SPOCK1: variants seen among roughly 807,000 people sequenced by gnomAD.
SPOCK1 encodes the protein SPARC (osteonectin), cwcv and kazal like domains proteoglycan 1, also known as testican-1.
In SPOCK1, 23 loss-of-function variants were observed where a neutral mutation model predicts 55.3. That is an observed-to-expected ratio of 0.42 (90% CI 0.30 to 0.59). SPOCK1 has a LOEUF of 0.59. SPOCK1 is among the 20% of genes least tolerant of loss of function. SPOCK1 has a pLI of 0.22. For synonymous variants in SPOCK1, 226 were observed against 221.0 expected (o/e 1.02, Z -0.20); for missense variants, 499 against 552.5 (o/e 0.90, Z 0.97).
intron 3 of SPOCK1, among the ~76,000 whole-genome samples, chr5:137,160,624 T>TTATATAATATATATTA (rs1554100853): frequency 1.4e-5 from 1 of 69,340 alleles, no homozygotes; most frequent in Non-Finnish European, 2.5e-5. Flanking sequence ...AATATATATT[T>TTATATAATATATATTA]TATATAATAT....
chr5:137,171,949 TCTTA>T (rs1242686339), intron 3 of SPOCK1, among the ~76,000 whole-genome samples: 2 of 152,192 alleles, frequency 1.3e-5, no homozygotes, highest in Non-Finnish European at 2.9e-5. Context: ...GTCCTGTTCA[TCTTA>T]CATACGAAAC....
At chr5:137,464,349 C>T (rs1386549226) in intron 2 of SPOCK1, among the ~76,000 whole-genome samples, 2 of 152,164 alleles carry the variant, frequency 1.3e-5, no homozygotes, top group South Asian at 4.1e-4. Context: ...GATGGATACT[C>T]AATTTTTTGT....
chr5:137,353,382 A>G (rs1750723668), intron 2 of SPOCK1, among the ~76,000 whole-genome samples: 1 of 152,132 alleles, frequency 6.6e-6, no homozygotes, highest in Admixed American at 6.5e-5. Context: ...CCCTGATTCA[A>G]TCAATCAATC....
At chr5:137,465,026 G>C (rs1355123616) in intron 2 of SPOCK1, among the ~76,000 whole-genome samples, 2 of 152,128 alleles carry the variant, frequency 1.3e-5, no homozygotes, top group Admixed American at 6.5e-5. Flanking sequence ...AGAAAACCTT[G>C]AGAGAACAAC....
At chr5:137,120,342 G>A (rs1376026203) in intron 4 of SPOCK1, among the ~76,000 whole-genome samples, 1 of 152,176 alleles carries the variant, frequency 6.6e-6, no homozygotes, top group Non-Finnish European at 1.5e-5. Flanking sequence ...AAGTCTTAGA[G>A]CATAATCAGG....
chr5:137,365,223 G>A (rs1721392408), intron 2 of SPOCK1: 1 of 152,260 alleles, frequency 6.6e-6, no homozygotes. Context: ...GCAGTGCTGT[G>A]GCCAGTAAAC....
intron 3 of SPOCK1, among the ~76,000 whole-genome samples, chr5:137,207,133 C>T (rs1464866275): frequency 6.6e-6 from 1 of 152,254 alleles, no homozygotes; most frequent in Non-Finnish European, 1.5e-5. Flanking sequence ...AGAATGTCCT[C>T]TTGCCCAGGT....
At chr5:137,176,052 C>G (rs1307360430) in intron 3 of SPOCK1, among the ~76,000 whole-genome samples, 5 of 152,108 alleles carry the variant, frequency 3.3e-5, no homozygotes, top group Non-Finnish European at 7.4e-5. Flanking sequence ...GATATCAAAC[C>G]CAGAGGAATG....
intron 3 of SPOCK1, among the ~76,000 whole-genome samples, chr5:137,176,560 A>G (rs1754856837): frequency 1.3e-5 from 2 of 151,910 alleles, no homozygotes; most frequent in Admixed American, 1.3e-4. Context: ...ACGTATGTAT[A>G]TTTACCTTAC....
intron 8 of SPOCK1, among the ~76,000 whole-genome samples, chr5:136,988,097 G>C (rs985221733): frequency 1.3e-5 from 2 of 152,054 alleles, no homozygotes; most frequent in Admixed American, 6.5e-5. Context: ...TTTACATTGA[G>C]AGCTCACAGT....
Position 137,334,867 on chromosome 5 carries a change from G to A in SPOCK1, c.187-67812C>T, listed in dbSNP as rs867104335. Among the ~76,000 whole-genome samples, 9 of 152,338 alleles carry A rather than the reference G, an allele frequency of 5.9e-5. No homozygotes were observed. The South Asian group carries it at 1.0e-3, about 18-fold the overall frequency. ...GCAATGAAAACAGGTGGTACTGACC[G>A]ATGGTATGATATTTGCACTTTGGTG... On this transcript the variant is annotated intron_variant, in intron 2 of 10. Coordinates refer to ENST00000394945, the MANE Select transcript of SPOCK1 (RefSeq NM_004598.4).
intron 3 of SPOCK1, among the ~76,000 whole-genome samples, chr5:137,183,080 T>C (rs1755000712): frequency 6.6e-6 from 1 of 152,190 alleles, no homozygotes; most frequent in Non-Finnish European, 1.5e-5. Flanking sequence ...AAGGAACAGG[T>C]AACTCCACAT....
At chr5:136,993,534 G>C (rs1750988662) in intron 6 of SPOCK1, among the ~76,000 whole-genome samples, 1 of 152,204 alleles carries the variant, frequency 6.6e-6, no homozygotes, top group Non-Finnish European at 1.5e-5. Context: ...AGTATCTGGA[G>C]AGACAGAAAT....
chr5:137,382,934 A>C (rs748416988), intron 2 of SPOCK1, among the ~76,000 whole-genome samples: 21 of 152,216 alleles, frequency 1.4e-4, no homozygotes, highest in Non-Finnish European at 3.1e-4. Flanking sequence ...TGATGAAATA[A>C]GTAAAAAATG....
At chr5:137,086,503 A>T (rs1254829900) in intron 5 of SPOCK1, among the ~76,000 whole-genome samples, 1 of 152,102 alleles carries the variant, frequency 6.6e-6, no homozygotes, top group African/African-American at 2.4e-5. Flanking sequence ...GGGCAAAATC[A>T]TCCTCTAGGA....
intron 3 of SPOCK1, among the ~76,000 whole-genome samples, chr5:137,262,845 A>T (rs548925030): frequency 6.6e-6 from 1 of 152,366 alleles, no homozygotes; most frequent in African/African-American, 2.4e-5. Context: ...AGACACCAGG[A>T]GAGGCTGCTA....
chr5:137,001,496 C>T (rs944216083), intron 6 of SPOCK1, among the ~76,000 whole-genome samples: 2 of 152,174 alleles, frequency 1.3e-5, no homozygotes, highest in African/African-American at 2.4e-5. Context: ...ACTAGAGTTT[C>T]ACTCATCTGC....
At chr5:137,456,156 A>T (rs1753362506) in intron 2 of SPOCK1, among the ~76,000 whole-genome samples, 1 of 152,170 alleles carries the variant, frequency 6.6e-6, no homozygotes. Flanking sequence ...TGCTCATATG[A>T]GGGTCCACAG....
chr5:137,383,129 G>A (rs145637480), intron 2 of SPOCK1, among the ~76,000 whole-genome samples: 122 of 152,146 alleles, frequency 8.0e-4, no homozygotes, highest in Middle Eastern at 6.8e-3. Context: ...TGAGTCCTTA[G>A]ATTAGTCACT....
Sources: allele counts gnomAD v4.1 joint callset (sites outside exome capture counted in the v4.1 genomes callset), GRCh38; gene constraint gnomAD v4.1.1; transcripts MANE v1.5; gene names NCBI Gene and HGNC (gene_info 2026-07-23, HGNC 2026-07-21).